Variants in RB1CC1 observed in about 807,000 individuals in gnomAD.
RB1CC1 encodes the protein RB1-inducible coiled-coil protein 1.
RB1CC1 carries 46 observed loss-of-function variants against 177.5 expected under a neutral mutation model. That is an observed-to-expected ratio of 0.26 (90% confidence interval 0.20 to 0.33). The LOEUF is 0.33. RB1CC1 is among the 10% of genes least tolerant of loss of function. The pLI is 1.00. For synonymous variants in RB1CC1, 666 were observed against 613.6 expected, an observed-to-expected ratio of 1.09 and a Z score of -1.26; for missense variants, 1,703 against 1,816.3, an observed-to-expected ratio of 0.94 and a Z score of 1.13.
chr8:52,659,945 T>A (rs1424449558), intron 12 of RB1CC1, among the ~76,000 whole-genome samples: 1 of 152,072 alleles, frequency 6.6e-6, no homozygotes, highest in Non-Finnish European at 1.5e-5. Context: ...TGCAGTGAGA[T>A]GAGATTGTGC....
At chr8:52,635,602 CCCTT>C (rs1323529164) in intron 19 of RB1CC1, among the ~76,000 whole-genome samples, 4 of 152,006 alleles carry the variant, frequency 2.6e-5, no homozygotes, top group Admixed American at 6.6e-5. Flanking sequence ...AAACATAACT[CCCTT>C]CATTACTTAT....
intron 18 of RB1CC1, among the ~76,000 whole-genome samples, chr8:52,638,724 A>C (rs987153110): frequency 1.3e-5 from 2 of 152,094 alleles, no homozygotes; most frequent in Admixed American, 6.5e-5. Context: ...GTTCAAAAAA[A>C]AATTTAGTCT....
chr8:52,669,100 TCTGA>T (rs1382304330), intron 7 of RB1CC1, among the ~76,000 whole-genome samples: 1 of 152,236 alleles, frequency 6.6e-6, no homozygotes, highest in Non-Finnish European at 1.5e-5. Flanking sequence ...AAACTGTGTT[TCTGA>T]CTGTTTACTA....
chr8:52,685,563 A>G, intron 2 of RB1CC1, 43 bp from the exon 3 acceptor site: 1 of 694,358 alleles, frequency 1.4e-6, no homozygotes. Flanking sequence ...AAATGCAACT[A>G]CAATCACAAA....
At chr8:52,697,417 A>G (rs1855528328) in intron 1 of RB1CC1, among the ~76,000 whole-genome samples, 1 of 152,218 alleles carries the variant, frequency 6.6e-6, no homozygotes, top group South Asian at 2.1e-4. Context: ...ACTGTATAAT[A>G]ACATTTTTGG....
intron 7 of RB1CC1, among the ~76,000 whole-genome samples, chr8:52,671,049 CAG>C (rs1852536568): frequency 6.6e-6 from 1 of 151,730 alleles, no homozygotes; most frequent in South Asian, 2.1e-4. Context: ...TTTTTTCTGA[CAG>C]ATAAAATGGG....
intron 18 of RB1CC1, among the ~76,000 whole-genome samples, chr8:52,641,361 G>A (rs1189114643): frequency 3.4e-5 from 5 of 145,604 alleles, no homozygotes; most frequent in Non-Finnish European, 7.5e-5. Flanking sequence ...TCCACCCTGG[G>A]GGATAAGAGT....
intron 5 of RB1CC1, among the ~76,000 whole-genome samples, chr8:52,680,986 G>GTA (rs1853650775): frequency 8.1e-6 from 1 of 124,106 alleles, no homozygotes; most frequent in Non-Finnish European, 1.6e-5. Context: ...GTGTGTGTGT[G>GTA]TGTGTGTGTT....
At chr8:52,702,635 G>C (rs1419205232) in intron 1 of RB1CC1, among the ~76,000 whole-genome samples, 1 of 152,110 alleles carries the variant, frequency 6.6e-6, no homozygotes, top group South Asian at 2.1e-4. Context: ...AGGATCACTC[G>C]CACCCGGCAG....
At chr8:52,632,314 AT>A (rs1848820702) in intron 20 of RB1CC1, among the ~76,000 whole-genome samples, 2 of 152,316 alleles carry the variant, frequency 1.3e-5, no homozygotes, top group Admixed American at 1.3e-4. Flanking sequence ...ATTAAGTCAA[AT>A]TTTGATGCTC....
chr8:52,681,282 T>C (rs1591069707), intron 5 of RB1CC1, among the ~76,000 whole-genome samples: 1 of 152,066 alleles, frequency 6.6e-6, no homozygotes, highest in Non-Finnish European at 1.5e-5. Context: ...AGGCATAAGC[T>C]ACCACACCTG....
intron 15 of RB1CC1, among the ~76,000 whole-genome samples, chr8:52,650,663 A>C (rs191121395): frequency 5.3e-5 from 8 of 152,334 alleles, no homozygotes; most frequent in African/African-American, 9.6e-5. Flanking sequence ...AAATCCCATA[A>C]AACATGGAAA....
intron 20 of RB1CC1, among the ~76,000 whole-genome samples, chr8:52,631,003 T>C (rs1848713407): frequency 6.6e-6 from 1 of 152,206 alleles, no homozygotes; most frequent in Admixed American, 6.5e-5. Context: ...GAAGGGGTTT[T>C]ATCTCTAATG....
intron 21 of RB1CC1, among the ~76,000 whole-genome samples, chr8:52,629,005 GATGGGAA>G (rs1234145551): frequency 3.9e-5 from 6 of 152,182 alleles, no homozygotes; most frequent in Admixed American, 1.3e-4. Context: ...AAAATGGGGA[GATGGGAA>G]ATGGGGCCTC....
chr8:52,703,460 A>T (rs1385326214), intron 1 of RB1CC1, among the ~76,000 whole-genome samples: 1 of 152,210 alleles, frequency 6.6e-6, no homozygotes, highest in Non-Finnish European at 1.5e-5. Flanking sequence ...TTGGGTCCCT[A>T]CATGAAGCTC....
chr8:52,691,907 A>AAATCAT (rs1854899199), intron 1 of RB1CC1, among the ~76,000 whole-genome samples: 1 of 152,230 alleles, frequency 6.6e-6, no homozygotes, highest in Admixed American at 6.5e-5. Flanking sequence ...ATGGCACATA[A>AAATCAT]AATCATAATC....
At position 52,676,397 on chromosome 8, in the gene RB1CC1, T is replaced by C; in HGVS notation, c.544A>G (p.Ile182Val). ...GTAAGTTTTAACTTGATGTCTTCTA[T>C]GGACTGCAGATAATTTGAATAAATA... ...ESIYSNYLQS[I>V]EDIKLKLTHL... The change falls in exon 6 of 24, where the codon ATA becomes GTA. Residue 182 changes from isoleucine to valine, a missense_variant. Ile to Val is a conservative substitution (Grantham distance 29). Around this residue, in one of 6 missense-constraint regions of RB1CC1, gnomAD observed 315 missense variants for 304.9 expected, o/e 1.03. Coordinates refer to ENST00000025008, the MANE Select transcript of RB1CC1 (RefSeq NM_014781.5). 2 of 1,610,898 alleles carry C rather than the reference T, an allele frequency of 1.2e-6. No individual in the cohort carries two copies. The highest frequency in any genetic ancestry group is 1.7e-6 in the Non-Finnish European group (2 of 1,178,042).
chr8:52,665,407 T>A (rs946432108), intron 8 of RB1CC1, among the ~76,000 whole-genome samples: 8 of 152,172 alleles, frequency 5.3e-5, no homozygotes, highest in African/African-American at 1.4e-4. Context: ...TTAATTAATA[T>A]TTAAAATGAA....
chr8:52,649,799 A>G (rs959815427), intron 15 of RB1CC1, among the ~76,000 whole-genome samples: 1 of 152,088 alleles, frequency 6.6e-6, no homozygotes, highest in African/African-American at 2.4e-5. Context: ...CACACGTTCC[A>G]CTCTTATTTC....
Sources: allele counts gnomAD v4.1 joint callset (sites outside exome capture counted in the v4.1 genomes callset), GRCh38; gene constraint gnomAD v4.1.1; regional missense constraint gnomAD v4.1.1; transcripts MANE v1.5; gene names NCBI Gene and HGNC (gene_info 2026-07-23, HGNC 2026-07-21).